ADGRL2: variants seen among roughly 807,000 people sequenced by gnomAD.
The protein encoded by ADGRL2 is adhesion G protein-coupled receptor L2.
ADGRL2 carries 44 observed loss-of-function variants against 157.4 expected under a neutral mutation model. The ratio of observed to expected loss-of-function variants is 0.28; its 90% CI spans 0.22 to 0.36. The LOEUF (loss-of-function observed/expected upper bound fraction) is 0.36. Among genes scored for constraint, ADGRL2 ranks in the 10% least tolerant of loss-of-function variants. ADGRL2 has a pLI of 1.00. For missense variants in ADGRL2, 1,510 were observed against 1,768.9 expected (o/e 0.85, Z 2.63); for synonymous variants, 585 against 624.7 (o/e 0.94, Z 0.95).
rs550350787 is a variant in ADGRL2, at chr1:81,974,783, T to A, written c.3021+2865T>A. Among the ~76,000 whole-genome samples, 389 of 152,250 alleles carry A rather than the reference T, an allele frequency of 2.6e-3. 1 individual carries two copies. The highest frequency in any genetic ancestry group is 8.8e-3 in the African/African-American group (366 of 41,560). ...ATAATCTGTGGTACCTTTTTCTTTC[T>A]TAAAATTTCTTTGTATTTTTATGTT... is the stretch of plus-strand genomic sequence containing the variant. On this transcript the variant is annotated intron_variant, in intron 17 of 23. Coordinates refer to ENST00000686636, the MANE Select transcript of ADGRL2 (RefSeq NM_001366006.2).
At chr1:81,928,231 C>T (rs571588149) in intron 3 of ADGRL2, among the ~76,000 whole-genome samples, 5 of 152,036 alleles carry the variant, frequency 3.3e-5, no homozygotes, top group Admixed American at 2.0e-4. Context: ...ATACTTATCC[C>T]GCCTTCCTTT....
intron 2 of ADGRL2, among the ~76,000 whole-genome samples, chr1:81,868,653 A>G (rs2093613914): frequency 6.6e-6 from 1 of 151,974 alleles, no homozygotes; most frequent in African/African-American, 2.4e-5. Flanking sequence ...AATTTTTCCT[A>G]TCTCAGAGAA....
chr1:81,799,580 G>T (rs1008008366), upstream of ADGRL2, among the ~76,000 whole-genome samples: 1 of 152,126 alleles, frequency 6.6e-6, no homozygotes, highest in Non-Finnish European at 1.5e-5. Context: ...ACAAAATACT[G>T]ATAGGTATTT....
At chr1:81,359,169 G>C (rs2075927962) in intron 1 of ADGRL2, among the ~76,000 whole-genome samples, 1 of 152,090 alleles carries the variant, frequency 6.6e-6, no homozygotes, top group Non-Finnish European at 1.5e-5. Flanking sequence ...GATCATACTT[G>C]AGCATAGACA....
chr1:81,384,472 G>A lies in ADGRL2; in HGVS notation c.-301-60564G>A, dbSNP rs534566917. On this transcript the variant is annotated intron_variant, in intron 1 of 24. Coordinates refer to the ADGRL2 transcript ENST00000370721. ...GATAGAAAGGAGTGGGTATGTGAAG[G>A]TAGGAAAAAATATTTCTACTTTTCT... Among the ~76,000 whole-genome samples the A allele has an allele frequency of 2.0e-4, 30 of 152,168 alleles. No individual in the cohort carries two copies. The South Asian group carries it at 6.2e-3, about 32-fold the overall frequency.
At chr1:81,323,242 G>GT (rs536651694) in intron 1 of ADGRL2, among the ~76,000 whole-genome samples, 14 of 151,240 alleles carry the variant, frequency 9.3e-5, no homozygotes, top group South Asian at 2.1e-4. Flanking sequence ...AAATTTTTCT[G>GT]TTTTTTTTGT....
chr1:81,350,405 G>A (rs1034490794), intron 1 of ADGRL2, among the ~76,000 whole-genome samples: 1 of 152,162 alleles, frequency 6.6e-6, no homozygotes, highest in African/African-American at 2.4e-5. Context: ...TGTTCTGTAA[G>A]CTAAGATTAA....
intron 2 of ADGRL2, among the ~76,000 whole-genome samples, chr1:81,512,950 A>G (rs1238662291): frequency 6.6e-6 from 1 of 152,148 alleles, no homozygotes; most frequent in Non-Finnish European, 1.5e-5. Flanking sequence ...ACGCTTGCTA[A>G]TAGCAAATAT....
intron 1 of ADGRL2, among the ~76,000 whole-genome samples, chr1:81,752,444 G>C (rs2085520191): frequency 6.6e-6 from 1 of 152,144 alleles, no homozygotes; most frequent in Non-Finnish European, 1.5e-5. Context: ...AATAATGAAA[G>C]AAAAAGGCGC....
intron 1 of ADGRL2, among the ~76,000 whole-genome samples, chr1:81,369,547 T>C (rs541830344): frequency 2.6e-5 from 4 of 152,246 alleles, no homozygotes; most frequent in African/African-American, 9.6e-5. Context: ...CATGCCTCTC[T>C]ATATGGGGTC....
rs186288256 is a variant in ADGRL2, at chr1:81,485,486, G to A, written c.-248+40397G>A. On this transcript the variant is annotated intron_variant, in intron 2 of 24. Coordinates refer to the ADGRL2 transcript ENST00000370721. ...TTAAAGCAGAATAAAAATATGAACA[G>A]CAAAATATTTCTTTGTATATATAAA... Among the ~76,000 whole-genome samples the A allele has an allele frequency of 2.1e-3, 325 of 152,226 alleles. 3 individuals are homozygous for A. The highest frequency in any genetic ancestry group is 3.5e-4 in the Non-Finnish European group (24 of 68,014).
intron 1 of ADGRL2, among the ~76,000 whole-genome samples, chr1:81,383,126 C>T (rs921466594): frequency 2.6e-5 from 4 of 152,148 alleles, no homozygotes; most frequent in African/African-American, 4.8e-5. Flanking sequence ...TACGCTGCTC[C>T]AGTGGTCTTT....
In ADGRL2 at chr1:81,479,810, A is replaced by G. The variant is rs1328143910; in HGVS notation, c.-248+34721A>G. On this transcript the variant is annotated intron_variant, in intron 2 of 24. Coordinates refer to the ADGRL2 transcript ENST00000370721. ...GGAAAGTCTTGTTTCTAAAGCTTAA[A>G]TTTTGTGGAATTATTTCCTTATTGA... 3.3e-5 allele frequency among the ~76,000 whole-genome samples: 5 copies of G among 152,138 alleles called. No individual in the cohort carries two copies. The East Asian group carries it at 9.6e-4, about 29-fold the overall frequency.
At chr1:81,513,877 C>G (rs943490709) in intron 2 of ADGRL2, 4 of 152,268 alleles carry the variant, frequency 2.6e-5, no homozygotes, top group African/African-American at 9.6e-5. Flanking sequence ...AGAACCACAG[C>G]AATGGGGCCA....
chr1:81,901,162 A>G (rs911077106), intron 2 of ADGRL2, among the ~76,000 whole-genome samples: 82 of 152,346 alleles, frequency 5.4e-4, no homozygotes, highest in African/African-American at 1.9e-3. Context: ...AAGTTGATCC[A>G]TAAAATAGAA....
At chr1:81,712,660 A>G (rs1350807002) in intron 1 of ADGRL2, among the ~76,000 whole-genome samples, 1 of 151,946 alleles carries the variant, frequency 6.6e-6, no homozygotes, top group African/African-American at 2.4e-5. Context: ...TGGGATATAT[A>G]TAACTAGGAA....
At chr1:81,533,951 G>A (rs190713311) in intron 2 of ADGRL2, among the ~76,000 whole-genome samples, 6 of 152,174 alleles carry the variant, frequency 3.9e-5, no homozygotes, top group Admixed American at 3.9e-4. Flanking sequence ...AAGCACCTGG[G>A]CTACGTTTAG....
At chr1:81,713,996 G>A (rs1304897660) in intron 1 of ADGRL2, among the ~76,000 whole-genome samples, 4 of 152,198 alleles carry the variant, frequency 2.6e-5, no homozygotes, top group Non-Finnish European at 5.9e-5. Context: ...GAGAAAAAGC[G>A]TTTCTTACAT....
chr1:81,879,460 T>A (rs1557832629), intron 2 of ADGRL2, among the ~76,000 whole-genome samples: 1 of 151,836 alleles, frequency 6.6e-6, no homozygotes. Context: ...TCTTAAGCCC[T>A]TTTTTTAAAG....
Sources: gnomAD v4.1 joint callset for allele counts (sites outside exome capture counted in the v4.1 genomes callset) on GRCh38, gnomAD v4.1.1 for gene constraint, MANE v1.5 for transcripts, NCBI Gene and HGNC (gene_info 2026-07-23, HGNC 2026-07-21) for gene names.